The following LRIT2 variants were observed in gnomAD, a reference collection of about 807,000 sequenced individuals.
LRIT2 encodes the protein leucine-rich repeat, immunoglobulin-like domain and transmembrane domain-containing protein 2.
LRIT2 carries 23 observed loss-of-function variants against 22.4 expected under a neutral mutation model. The ratio of observed to expected loss-of-function variants is 1.03; its 90% CI spans 0.74 to 1.45. The LOEUF is 1.45. Among genes scored for constraint, LRIT2 ranks in the 40% most tolerant of loss-of-function variants. The pLI is 0.00. For synonymous variants in LRIT2, 291 were observed against 267.1 expected (o/e 1.09, Z -0.87); for missense variants, 784 against 665.6 (o/e 1.18, Z -1.96).
Position 84,224,357 on chromosome 10 carries a change from G to C in LRIT2, c.868C>G (p.Leu290Val). 1.9e-6 allele frequency: 3 copies of C among 1,613,476 alleles called. No homozygotes were observed. Among genetic ancestry groups the C allele is most frequent in the Non-Finnish European group, 2.5e-6 (3 of 1,179,758 alleles). Residue 290 changes from leucine to valine, a missense_variant, in exon 2 of 3, where the codon CTG (leucine) becomes GTG (valine). Transcript: ENST00000372113. ...CCATCAAATTCTCTCCACATACTCA[G>C]GGGATAAGTCCATGCAATGGATGGT... The part of the protein sequence containing the change: ...PSPSIAWTYP[L>V]SMWREFDVLT...
chr10:84,223,149 A>G (rs953394415), intron 2 of LRIT2, among the ~76,000 whole-genome samples: 2 of 152,232 alleles, frequency 1.3e-5, no homozygotes, highest in East Asian at 1.9e-4. Context: ...GCCTGGAGCC[A>G]CATGCCTGGG....
chr10:84,224,980 TC>T lies in LRIT2; in HGVS notation c.244del (p.Glu82AsnfsTer12). 6.2e-7 allele frequency: 1 copy of T among 1,614,106 alleles called. No homozygotes were observed. The highest frequency in any genetic ancestry group is 8.5e-7 in the Non-Finnish European group (1 of 1,180,008). ...ATTGTTAAAATTGAGCCAGAGGTAT[TC>T]CAAGGTGCTCATGTTGATGAAAGAC... ...QGSFINMSTL[E>X]YLWLNFNNIS... is the part of the protein sequence containing the mutation. On this transcript the variant is annotated frameshift_variant, in exon 2 of 3. Transcript: ENST00000372113. LOFTEE classifies it high-confidence loss of function.
Position 84,225,084 on chromosome 10 carries a change from T to A in LRIT2, c.141A>T (p.Gly47=), listed in dbSNP as rs1251914772. The A allele has an allele frequency of 1.2e-6, 2 of 1,613,682 alleles. No homozygotes were observed. The highest frequency in any genetic ancestry group is 1.7e-6 in the Non-Finnish European group (2 of 1,179,814). The change falls in exon 2 of 3, where the codon GGA becomes GGT. Residue 47 remains glycine (G), a synonymous_variant. Coordinates refer to ENST00000372113, the MANE Select transcript of LRIT2 (RefSeq NM_001017924.5). ...RTLQCTSVSL[G]KIPGNLSEEF... ...CTTCAGAAAGGTTCCCAGGGATCTTTCCCAAGGAGACAGATGTGCACTGCA... is the reference window on the plus strand; with the variant it reads ...CTTCAGAAAGGTTCCCAGGGATCTTACCCAAGGAGACAGATGTGCACTGCA...
Position 84,225,023 on chromosome 10 carries a change from A to G in LRIT2, c.202T>C (p.Phe68Leu). 1 of 1,614,136 alleles carries G rather than the reference A, an allele frequency of 6.2e-7. No homozygotes were observed. The highest frequency in any genetic ancestry group is 1.1e-5 in the South Asian group (1 of 91,084). Reference sequence around the variant, plus strand: ...ATGAAAGACCCTTGGGGCATCTCAAATAAGGGTGAATTTTCAATTCTCACT... The same window carrying G: ...ATGAAAGACCCTTGGGGCATCTCAAGTAAGGGTGAATTTTCAATTCTCACT... Reference protein sequence around the residue: ...KQVRIENSPLFEMPQGSFINM... With the variant: ...KQVRIENSPLLEMPQGSFINM... The change falls in exon 2 of 3, where the codon TTT becomes CTT. Residue 68 changes from phenylalanine to leucine, a missense_variant. By Grantham distance (22) the Phe-to-Leu change is conservative. Coordinates refer to ENST00000372113, the MANE Select transcript of LRIT2 (RefSeq NM_001017924.5).
At position 84,225,106 on chromosome 10, in the gene LRIT2, T is replaced by C. The variant is rs923345182; in HGVS notation, c.119A>G (p.Gln40Arg). 1 of 1,609,420 alleles carries C rather than the reference T, an allele frequency of 6.2e-7. No homozygotes were observed. The highest frequency in any genetic ancestry group is 1.3e-5 in the African/African-American group (1 of 74,802). The change falls in exon 2 of 3, where the codon CAG becomes CGG. Residue 40 changes from glutamine to arginine, a missense_variant. By Grantham distance (43) the Gln-to-Arg change is conservative. Transcript: ENST00000372113. ...CTTTCCCAAGGAGACAGATGTGCAC[T>C]GCAGAGTCCTGTACAAGAAACCAGA... The part of the protein sequence containing the change: ...CSEESFGRTL[Q>R]CTSVSLGKIP...
At position 84,222,565 on chromosome 10, in the gene LRIT2, G is replaced by A. The variant is rs1004638084; in HGVS notation, c.1008C>T (p.Ser336=). ...TCMASNSIGK[S]NLVISLHVQP... ...GGACATGGAGAGAGATTACAAGGTT[G>A]CTCTTGCCAATGGAGTTGGAGGCCA... The change falls in exon 3 of 3, where the codon AGC becomes AGT. Residue 336 remains serine (S), a synonymous_variant. Coordinates refer to ENST00000372113, the MANE Select transcript of LRIT2 (RefSeq NM_001017924.5). 1.2e-5 allele frequency: 20 copies of A among 1,613,938 alleles called. No homozygotes were observed. The highest frequency in any genetic ancestry group is 2.2e-5 in the East Asian group (1 of 44,862).
In LRIT2 at chr10:84,222,588, C is replaced by G; in HGVS notation, c.985G>C (p.Ala329Pro). 1 of 1,614,012 alleles carries G rather than the reference C, an allele frequency of 6.2e-7. No homozygotes were observed. The highest frequency in any genetic ancestry group is 8.5e-7 in the Non-Finnish European group (1 of 1,180,002). ...TTGCTCTTGCCAATGGAGTTGGAGG[C>G]CATGCAGGTGTAATTACCACTGTCT... is the stretch of plus-strand genomic sequence containing the variant. ...LVDSGNYTCMASNSIGKSNLV... is the reference protein window; with the variant it reads ...LVDSGNYTCMPSNSIGKSNLV... The change falls in exon 3 of 3, where the codon GCC (alanine) becomes CCC (proline). Residue 329 changes from alanine (A) to proline (P), a missense_variant. By Grantham distance (27) the Ala-to-Pro change is conservative. Coordinates refer to ENST00000372113, the MANE Select transcript of LRIT2 (RefSeq NM_001017924.5).
Position 84,224,667 on chromosome 10 carries a change from C to T in LRIT2, c.558G>A (p.Gly186=), listed in dbSNP as rs11200926. 0.22 allele frequency: 358,908 copies of T among 1,613,968 alleles called. 41,913 individuals are homozygous for T. The highest frequency in any genetic ancestry group is 0.31 in the East Asian group (13,775 of 44,864). ...CCACCAGGCTGGAGAGAATCTCAGCCCCACAGTCAGGCTGCCGGCATTTCT... is the reference window on the plus strand; with the variant it reads ...CCACCAGGCTGGAGAGAATCTCAGCTCCACAGTCAGGCTGCCGGCATTTCT... ...AYQKCRQPDC[G]AEILSSLVVA... The change falls in exon 2 of 3, where the codon GGG becomes GGA. Residue 186 remains glycine (G), a synonymous_variant. Transcript: ENST00000372113.
intron 1 of LRIT2, 42 bp downstream of exon 1, chr10:84,225,369 C>G (rs755069499): frequency 1.3e-6 from 2 of 1,590,208 alleles, no homozygotes; most frequent in Non-Finnish European, 1.7e-6. Context: ...CAAAGAAAAC[C>G]CATTCCCCAT....
chr10:84,223,476 G>C, intron 2 of LRIT2, among the ~76,000 whole-genome samples: 1 of 105,942 alleles, frequency 9.4e-6, no homozygotes, highest in Non-Finnish European at 2.4e-5. Flanking sequence ...AATACAGAAT[G>C]TGAAAATTCA....
At position 84,224,580 on chromosome 10, in the gene LRIT2, G is replaced by A. The variant is rs1589317493; in HGVS notation, c.645C>T (p.Val215=). The change falls in exon 2 of 3, where the codon GTC becomes GTT. Residue 215 remains valine (V), a synonymous_variant. Transcript: ENST00000372113. ...GGATGACTGGGAGGGTAATGGACTT[G>A]ACAAACTGGACAAGCCCCCTTAGGC... ...DCRLRGLVQF[V]KSITLPVILV... is the part of the protein sequence containing the mutation. 3 of 1,613,702 alleles carry A rather than the reference G, an allele frequency of 1.9e-6. No individual in the cohort carries two copies. Among genetic ancestry groups the A allele is most frequent in the South Asian group, 2.2e-5 (2 of 91,048 alleles).
Position 84,221,839 on chromosome 10 carries a change from G to A in LRIT2, c.*81C>T, listed in dbSNP as rs148974479. 2 of 1,390,370 alleles carry A rather than the reference G, an allele frequency of 1.4e-6. No individual in the cohort carries two copies. Among genetic ancestry groups the A allele is most frequent in the Non-Finnish European group, 1.9e-6 (2 of 1,029,840 alleles). 86.1% of individuals were successfully genotyped at this position (1,390,370 alleles called of 1,614,324 possible). On this transcript the variant is annotated 3_prime_UTR_variant, in exon 3 of 3. Transcript: ENST00000372113. ...GTGGGTGCTCAATATATACTTGCTG[G>A]ATAAATGGATGGAGCTGCTGCAGAG... is the stretch of plus-strand genomic sequence containing the variant.
intron 1 of LRIT2, 131 bp downstream of exon 1, chr10:84,225,280 A>T (rs1842553726): frequency 4.0e-6 from 5 of 1,241,404 alleles, no homozygotes; most frequent in Non-Finnish European, 5.5e-6. Context: ...AGCAAAGTTC[A>T]GTCCCAACTA....
Position 84,224,374 on chromosome 10 carries a change from A to G in LRIT2, c.851T>C (p.Ile284Thr). The G allele has an allele frequency of 6.2e-7, 1 of 1,614,092 alleles. No homozygotes were observed. The highest frequency in any genetic ancestry group is 1.3e-5 in the African/African-American group (1 of 75,040). ...CATACTCAGGGGATAAGTCCATGCA[A>G]TGGATGGTGAGGGGCTGGCCTGTGC... ...CLAQASPSPS[I>T]AWTYPLSMWR... The change falls in exon 2 of 3, where the codon ATT becomes ACT. Residue 284 changes from isoleucine (I) to threonine (T), a missense_variant. Physicochemically the swap from Ile to Thr is moderately conservative, Grantham distance 89. Transcript: ENST00000372113.
In LRIT2 at chr10:84,222,281, G is replaced by A. The variant is rs145232104; in HGVS notation, c.1292C>T (p.Ala431Val). The A allele has an allele frequency of 5.6e-6, 9 of 1,614,118 alleles. No homozygotes were observed. The highest frequency in any genetic ancestry group is 3.3e-5 in the Admixed American group (2 of 60,016). The change falls in exon 3 of 3, where the codon GCC becomes GTC. Residue 431 changes from alanine (A) to valine (V), a missense_variant. Coordinates refer to ENST00000372113, the MANE Select transcript of LRIT2 (RefSeq NM_001017924.5). ...DDLLPGTKYE[A>V]CLSLEGQPPH... Reference sequence around the variant, plus strand: ...AGGCTGGCCCTCTAGGCTGAGGCAGGCCTCATATTTTGTGCCAGGAAGGAG... The same window carrying A: ...AGGCTGGCCCTCTAGGCTGAGGCAGACCTCATATTTTGTGCCAGGAAGGAG...
At position 84,224,945 on chromosome 10, in the gene LRIT2, T is replaced by TC; in HGVS notation, c.279dup (p.Ile94AspfsTer47). 2 of 1,614,148 alleles carry TC rather than the reference T, an allele frequency of 1.2e-6. No homozygotes were observed. The highest frequency in any genetic ancestry group is 1.7e-6 in the Non-Finnish European group (2 of 1,180,030). On this transcript the variant is annotated frameshift_variant, in exon 2 of 3. Transcript: ENST00000372113. LOFTEE classifies it high-confidence loss of function. ...AGGTGTTCCAGGGCTCCTAGGTGGA[T>TC]CACACTGATATTGTTAAAATTGAGC...
Position 84,222,520 on chromosome 10 carries a change from A to C in LRIT2, c.1053T>G (p.His351Gln). 1.2e-6 allele frequency: 2 copies of C among 1,614,052 alleles called. No individual in the cohort carries two copies. The highest frequency in any genetic ancestry group is 1.7e-6 in the Non-Finnish European group (2 of 1,180,028). Residue 351 changes from histidine (H) to glutamine (Q), a missense_variant, in exon 3 of 3, where the codon CAT (histidine) becomes CAG (glutamine). By Grantham distance (24) the His-to-Gln change is conservative (BLOSUM62 0). Transcript: ENST00000372113. Reference sequence around the variant, plus strand: ...AGGGGATGGAAAGAGAATCAGGTGCATGTAGGGCCTGGGCAGGCTGGACAT... The same window carrying C: ...AGGGGATGGAAAGAGAATCAGGTGCCTGTAGGGCCTGGGCAGGCTGGACAT... ...SLHVQPAQAL[H>Q]APDSLSIPSE...
Position 84,222,673 on chromosome 10 carries a change from T to C in LRIT2, c.900A>G (p.Thr300=). 1 of 1,613,424 alleles carries C rather than the reference T, an allele frequency of 6.2e-7. No individual in the cohort carries two copies. Among genetic ancestry groups the C allele is most frequent in the Non-Finnish European group, 8.5e-7 (1 of 1,179,352 alleles). The change falls in exon 3 of 3, where the codon ACA becomes ACG. Residue 300 remains threonine, a synonymous_variant. Transcript: ENST00000372113. ...GAGCAGTGTCTTCTCCAGTAGAAGA[T>C]GTCAACACTGGGTGGAAAGAAAAAC... The part of the protein sequence containing the change: ...LSMWREFDVL[T]SSTGEDTALS...
chr10:84,225,387 T>A, intron 1 of LRIT2, 24 bp downstream of exon 1: 1 of 1,610,342 alleles, frequency 6.2e-7, no homozygotes, highest in Non-Finnish European at 8.5e-7. Context: ...CATAACCCTC[T>A]AACATCTGGC....
Sources: allele counts gnomAD v4.1 joint callset (sites outside exome capture counted in the v4.1 genomes callset), GRCh38; gene constraint gnomAD v4.1.1; transcripts MANE v1.5; gene names NCBI Gene and HGNC (gene_info 2026-07-23, HGNC 2026-07-21).